INTS6: variants seen among roughly 807,000 people sequenced by gnomAD.
The protein encoded by INTS6 is DEAD box protein.
A neutral mutation model predicts 104.9 loss-of-function variants in INTS6; 16 were observed. The ratio of observed to expected loss-of-function variants is 0.15; its 90% CI spans 0.10 to 0.23. INTS6 has a LOEUF of 0.23. INTS6 is among the 10% of genes least tolerant of loss of function. INTS6 has a pLI of 1.00. For missense variants in INTS6, 584 were observed against 1,062.8 expected (o/e 0.55, Z 6.26); for synonymous variants, 324 against 358.7 (o/e 0.90, Z 1.09).
At chr13:51,341,355 G>C in the INTS6 span, 6 of 1,577,400 alleles carry the variant, frequency 3.8e-6, no homozygotes, top group African/African-American at 1.3e-5. Flanking sequence ...ATGGTAAGAG[G>C]CCTGCCCACG....
chr13:51,451,903 TG>T (rs1011004655), intron 2 of INTS6, 74 bp downstream of exon 2: 9 of 729,632 alleles, frequency 1.2e-5, no homozygotes, highest in Admixed American at 6.2e-5. Context: ...GAAGGGTGAA[TG>T]GGGGGGCGGG....
At chr13:51,381,583 T>A (rs1370867378) in intron 10 of INTS6, among the ~76,000 whole-genome samples, 1 of 152,220 alleles carries the variant, frequency 6.6e-6, no homozygotes, top group Non-Finnish European at 1.5e-5. Flanking sequence ...TTTACCTTTA[T>A]ACCTATAGTG....
intron 3 of INTS6, chr13:51,445,368 G>A (rs900667747): frequency 4.6e-5 from 7 of 152,054 alleles, no homozygotes; most frequent in Admixed American, 2.0e-4. Flanking sequence ...ACTAATAGAT[G>A]TTTAAAGCAT....
downstream of INTS6, among the ~76,000 whole-genome samples, chr13:51,359,553 T>G (rs1161303535): frequency 2.0e-5 from 3 of 152,120 alleles, no homozygotes; most frequent in African/African-American, 7.2e-5. Flanking sequence ...TGAAATAGCC[T>G]GGCCCATCTA....
In INTS6 at chr13:51,452,291, G is replaced by T. The variant is rs1953078120; in HGVS notation, c.111+124C>A. ...CGCCCGCCCGCGCGGTGGGGGAGGG[G>T]GTCCCCGAGCCCGGCAGCTCCCGCA... On this transcript the variant is annotated intron_variant, in intron 1 of 17. Coordinates refer to ENST00000311234, the MANE Select transcript of INTS6 (RefSeq NM_012141.3). This position sits in a 1 kb window ranked among gnomAD's most constrained non-coding sequence, Gnocchi z 4.2. 1.9e-6 allele frequency: 2 copies of T among 1,037,396 alleles called. No homozygotes were observed. Among genetic ancestry groups the T allele is most frequent in the Non-Finnish European group, 2.4e-6 (2 of 829,436 alleles). 64.3% of individuals were successfully genotyped at this position (1,037,396 alleles called of 1,614,324 possible). A position where few individuals can be genotyped will look rare whatever the true frequency, so the allele number is the denominator to read the frequency against.
At chr13:51,431,081 C>T (rs989859098) in intron 3 of INTS6, among the ~76,000 whole-genome samples, 15 of 152,184 alleles carry the variant, frequency 9.9e-5, no homozygotes, top group Admixed American at 6.5e-5. Context: ...ACTTCAATAG[C>T]TTCCATTCAA....
At chr13:51,428,200 AAAC>A (rs1957018697) in intron 4 of INTS6, among the ~76,000 whole-genome samples, 1 of 152,248 alleles carries the variant, frequency 6.6e-6, no homozygotes, top group African/African-American at 2.4e-5. Context: ...GATAAAAACA[AAAC>A]AAACATTCAA....
In INTS6 at chr13:51,395,372, C is replaced by G; in HGVS notation, c.541G>C (p.Val181Leu). The stretch of plus-strand genomic sequence containing the variant: ...ACACCTGTCAACTGTTCTGATTCTA[C>G]TGACATGGTGCCAGGCAACCGCAAC... ...LVLRLPGTMS[V>L]ESEQLTGVPL... is the part of the protein sequence containing the mutation. Residue 181 changes from valine to leucine, a missense_variant, in exon 5 of 18, where the codon GTA (valine) becomes CTA (leucine). By Grantham distance (32) the Val-to-Leu change is conservative. Coordinates refer to ENST00000311234, the MANE Select transcript of INTS6 (RefSeq NM_012141.3). 1.9e-6 allele frequency: 3 copies of G among 1,614,022 alleles called. No individual in the cohort carries two copies. The highest frequency in any genetic ancestry group is 2.5e-6 in the Non-Finnish European group (3 of 1,179,938).
chr13:51,437,169 C>T (rs552960651), intron 3 of INTS6: 1 of 152,118 alleles, frequency 6.6e-6, no homozygotes, highest in Non-Finnish European at 1.5e-5. Context: ...AAGATGTAAA[C>T]ATATTTTCAA....
At chr13:51,429,800 A>ATATATATATG (rs1156385193) in intron 4 of INTS6, among the ~76,000 whole-genome samples, 38 of 136,848 alleles carry the variant, frequency 2.8e-4, no homozygotes, top group East Asian at 2.7e-3. Flanking sequence ...ATATATATAT[A>ATATATATATG]TATATATATG....
chr13:51,368,909 G>T, intron 16 of INTS6, 30 bp downstream of exon 16: 1 of 1,527,082 alleles, frequency 6.5e-7, no homozygotes, highest in South Asian at 1.3e-5. Context: ...ACAGAAATCA[G>T]ATCTGAGGTT....
At chr13:51,415,486 A>T (rs61956950) in intron 4 of INTS6, among the ~76,000 whole-genome samples, 3,679 of 152,214 alleles carry the variant, frequency 0.024, 59 homozygotes, top group South Asian at 0.063. Flanking sequence ...TTCTCATGAT[A>T]GGGAATAAGT....
chr13:51,346,560 A>T, the INTS6 span, among the ~76,000 whole-genome samples: 1 of 152,306 alleles, frequency 6.6e-6, no homozygotes, highest in Non-Finnish European at 1.5e-5. Context: ...ACCCAACTCC[A>T]GAGATGACTC....
chr13:51,382,851 CG>C (rs1956077833), intron 9 of INTS6, among the ~76,000 whole-genome samples: 1 of 152,130 alleles, frequency 6.6e-6, no homozygotes, highest in South Asian at 2.1e-4. Flanking sequence ...CCAAGGCGGG[CG>C]GATCACCTGA....
the INTS6 span, chr13:51,344,212 C>A: frequency 6.7e-7 from 1 of 1,482,826 alleles, no homozygotes; most frequent in Non-Finnish European, 9.4e-7. Context: ...TCCTTACTCA[C>A]ACTCACCATT....
At chr13:51,378,878 C>T (rs188562281) in intron 11 of INTS6, among the ~76,000 whole-genome samples, 117 of 152,002 alleles carry the variant, frequency 7.7e-4, no homozygotes, top group African/African-American at 2.4e-3. Flanking sequence ...CCCTGGAAAG[C>T]AAGAAGCAAT....
the INTS6 span, among the ~76,000 whole-genome samples, chr13:51,341,853 A>T: frequency 6.6e-6 from 1 of 152,226 alleles, no homozygotes; most frequent in Non-Finnish European, 1.5e-5. Context: ...TCACAGAGCC[A>T]ATAAGTGACA....
At chr13:51,346,993 A>G in the INTS6 span, 1 of 1,509,208 alleles carries the variant, frequency 6.6e-7, no homozygotes, top group Non-Finnish European at 9.0e-7. Flanking sequence ...ATGCACATTT[A>G]ACCCATGGCC....
chr13:51,451,837 G>C (rs1037552936), intron 2 of INTS6, 141 bp downstream of exon 2: 6 of 483,356 alleles, frequency 1.2e-5, no homozygotes, highest in African/African-American at 1.2e-4. Flanking sequence ...GTGGGAGCCC[G>C]CAGGGAAGAG....
Sources: gnomAD v4.1 joint callset for allele counts (sites outside exome capture counted in the v4.1 genomes callset) on GRCh38, gnomAD v4.1.1 for gene constraint, Gnocchi (gnomAD v3.1) non-coding constraint, MANE v1.5 for transcripts, NCBI Gene and HGNC (gene_info 2026-07-23, HGNC 2026-07-21) for gene names.